The following SDK1 variants were observed in gnomAD, a reference collection of about 807,000 sequenced individuals.
SDK1 encodes the protein sidekick cell adhesion molecule 1.
In SDK1, 157 loss-of-function variants were observed where a neutral mutation model predicts 245.5. The ratio of observed to expected loss-of-function variants is 0.64; its 90% CI spans 0.56 to 0.73. The LOEUF (loss-of-function observed/expected upper bound fraction) is 0.73, where lower values mean the gene tolerates loss of function less well. SDK1 is among the 30% of genes least tolerant of loss of function. The probability of loss-of-function intolerance (pLI) is 0.00; values close to 1 mark genes in which losing one functional copy is unlikely to be tolerated. For synonymous variants in SDK1, 1,647 were observed against 1,278.5 expected, an observed-to-expected ratio of 1.29 and a Z score of -6.15; for missense variants, 3,583 against 3,002.3, an observed-to-expected ratio of 1.19 and a Z score of -4.52.
At chr7:3,331,896 A>G (rs182882345) in intron 1 of SDK1, among the ~76,000 whole-genome samples, 219 of 152,320 alleles carry the variant, frequency 1.4e-3, no homozygotes, top group African/African-American at 5.1e-3. Context: ...TTTACAATAA[A>G]ATGTAACCTT....
At chr7:3,616,290 C>T (rs1049825779) in intron 1 of SDK1, among the ~76,000 whole-genome samples, 1 of 152,180 alleles carries the variant, frequency 6.6e-6, no homozygotes, top group African/African-American at 2.4e-5. Flanking sequence ...TGTTAATACT[C>T]GGACACTTGA....
intron 4 of SDK1, among the ~76,000 whole-genome samples, chr7:3,656,739 C>CTTT (rs11368318): frequency 4.8e-5 from 6 of 125,520 alleles, no homozygotes; most frequent in South Asian, 2.7e-4. Context: ...TGGTGGAAAT[C>CTTT]TTTTTTTTTT....
Position 3,512,541 on chromosome 7 carries a change from C to A in SDK1, c.299-106539C>A, listed in dbSNP as rs554041015. 5.3e-5 allele frequency among the ~76,000 whole-genome samples: 8 copies of A among 152,284 alleles called. No individual in the cohort carries two copies. The South Asian group carries it at 1.4e-3, about 28-fold the overall frequency. On this transcript the variant is annotated intron_variant, in intron 1 of 44. Coordinates refer to ENST00000404826, the MANE Select transcript of SDK1 (RefSeq NM_152744.4). ...GTTTTGTAAGAAGCCACCAGGCTGT[C>A]CTCAGAAGTGACTGTAACATTTTAC...
chr7:3,677,482 C>T (rs1329752989), intron 4 of SDK1, among the ~76,000 whole-genome samples: 1 of 152,140 alleles, frequency 6.6e-6, no homozygotes, highest in Non-Finnish European at 1.5e-5. Flanking sequence ...AGAGCTTGTG[C>T]AAGGGAATTC....
intron 41 of SDK1, 95 bp downstream of exon 41, chr7:4,233,514 G>C (rs867853521): frequency 1.9e-6 from 2 of 1,070,238 alleles, no homozygotes; most frequent in African/African-American, 3.2e-5. Context: ...CTCCTGAAGG[G>C]TGGGAGGGAG....
At chr7:3,445,919 A>G (rs959128203) in intron 1 of SDK1, among the ~76,000 whole-genome samples, 8 of 150,970 alleles carry the variant, frequency 5.3e-5, no homozygotes, top group Admixed American at 2.0e-4. Context: ...CTTTCTTTAC[A>G]TATTCTTGAG....
At chr7:3,576,372 G>C (rs1562574808) in intron 1 of SDK1, among the ~76,000 whole-genome samples, 1 of 152,112 alleles carries the variant, frequency 6.6e-6, no homozygotes, top group Non-Finnish European at 1.5e-5. Context: ...CCATCTGCAA[G>C]TGAGATAAGC....
intron 5 of SDK1, among the ~76,000 whole-genome samples, chr7:3,913,415 G>T (rs13437643): frequency 0.099 from 14,971 of 150,516 alleles, 942 homozygotes; most frequent in African/African-American, 0.16. Context: ...TGCCTCAGCC[G>T]CTCGAGTAGC....
intron 4 of SDK1, among the ~76,000 whole-genome samples, chr7:3,767,989 G>C (rs369417777): frequency 1.3e-4 from 20 of 152,270 alleles, no homozygotes; most frequent in African/African-American, 4.8e-4. Context: ...CTAATACGTA[G>C]GTGCTGTTAC....
At chr7:4,073,306 G>A (rs1436831776) in intron 20 of SDK1, among the ~76,000 whole-genome samples, 1 of 152,224 alleles carries the variant, frequency 6.6e-6, no homozygotes, top group Non-Finnish European at 1.5e-5. Flanking sequence ...CACTCTGTCT[G>A]TGCTCACAGG....
At chr7:3,538,217 C>A (rs572532216) in intron 1 of SDK1, among the ~76,000 whole-genome samples, 1 of 152,230 alleles carries the variant, frequency 6.6e-6, no homozygotes, top group South Asian at 2.1e-4. Flanking sequence ...TTTGTTTGTC[C>A]CATTGCCAAC....
chr7:4,211,376 G>T (rs1396347080), intron 38 of SDK1, among the ~76,000 whole-genome samples: 1 of 152,112 alleles, frequency 6.6e-6, no homozygotes, highest in Non-Finnish European at 1.5e-5. Context: ...GAGTGAGGAG[G>T]CCGGCCGGGG....
intron 4 of SDK1, among the ~76,000 whole-genome samples, chr7:3,811,049 G>T (rs1407473764): frequency 6.6e-6 from 1 of 152,192 alleles, no homozygotes; most frequent in Non-Finnish European, 1.5e-5. Context: ...GACAGTAGAT[G>T]ACATTTACTG....
In SDK1 at chr7:4,266,011, C is replaced by G. The variant is rs1788447555; in HGVS notation, c.*627C>G. 1 of 985,420 alleles carries G rather than the reference C, an allele frequency of 1.0e-6. No individual in the cohort carries two copies. The highest frequency in any genetic ancestry group is 1.2e-6 in the Non-Finnish European group (1 of 829,990). The allele number at this position is 985,420 out of a possible 1,614,324, so 61.0% of individuals were successfully genotyped here. A position where few individuals can be genotyped will look rare whatever the true frequency, so the allele number is the denominator to read the frequency against. ...GCCAGGCAGGGATGCTAAGGTGTGG[C>G]TCAGCCGTCACTGTCTGTGTCACTG... On this transcript the variant is annotated 3_prime_UTR_variant, in exon 45 of 45. Coordinates refer to ENST00000404826, the MANE Select transcript of SDK1 (RefSeq NM_152744.4).
intron 24 of SDK1, 144 bp from the exon 25 acceptor site, chr7:4,113,893 A>G: frequency 1.6e-6 from 1 of 637,496 alleles, no homozygotes; most frequent in Non-Finnish European, 2.7e-6. Context: ...TTCAGGGAAG[A>G]ATAAAGTAGA....
intron 19 of SDK1, among the ~76,000 whole-genome samples, chr7:4,061,897 C>T (rs1007559547): frequency 1.2e-4 from 17 of 146,306 alleles, no homozygotes; most frequent in South Asian, 2.1e-4. Flanking sequence ...AAACCAAACA[C>T]GGCATATTCT....
chr7:4,103,827 T>C (rs900580037), intron 22 of SDK1, among the ~76,000 whole-genome samples: 6 of 152,146 alleles, frequency 3.9e-5, no homozygotes, highest in Non-Finnish European at 5.9e-5. Context: ...GGTGGTGCGC[T>C]CCAGCAGGGC....
chr7:3,493,782 T>C (rs368492427), intron 1 of SDK1, among the ~76,000 whole-genome samples: 102 of 152,360 alleles, frequency 6.7e-4, no homozygotes, highest in African/African-American at 2.2e-3. Context: ...CTATGACTTA[T>C]GGAACATTGG....
At position 3,477,234 on chromosome 7, in the gene SDK1, C is replaced by T. The variant is rs1178622454; in HGVS notation, c.299-141846C>T. ...TTTTTGAGCCAGAGTCTTGCTCTGT[C>T]GCTCAGGCTGGAGTGCAGCGGCGCG... On this transcript the variant is annotated intron_variant, in intron 1 of 44. Coordinates refer to ENST00000404826, the MANE Select transcript of SDK1 (RefSeq NM_152744.4). Among the ~76,000 whole-genome samples the T allele has an allele frequency of 1.9e-4, 21 of 109,898 alleles. No individual in the cohort carries two copies. The South Asian group carries it at 2.2e-3, about 12-fold the overall frequency. The allele number at this position is 109,898 out of a possible 152,430, so 72.1% of individuals were successfully genotyped here. A position where few individuals can be genotyped will look rare whatever the true frequency, so the allele number is the denominator to read the frequency against.
Sources: gnomAD v4.1 joint callset for allele counts (sites outside exome capture counted in the v4.1 genomes callset) on GRCh38, gnomAD v4.1.1 for gene constraint, MANE v1.5 for transcripts, NCBI Gene and HGNC (gene_info 2026-07-23, HGNC 2026-07-21) for gene names.